Variants in GSG1L observed in about 807,000 individuals in gnomAD.
GSG1L encodes GSG1 like, also known as germ cell-specific gene 1-like protein.
GSG1L carries 24 observed loss-of-function variants against 42.1 expected under a neutral mutation model. The ratio of observed to expected loss-of-function variants is 0.57; its 90% CI spans 0.41 to 0.80. GSG1L has a LOEUF of 0.80. GSG1L is among the 30% of genes least tolerant of loss of function. The probability of loss-of-function intolerance (pLI) is 0.00; values close to 1 mark genes in which losing one functional copy is unlikely to be tolerated. For missense variants in GSG1L, 445 were observed against 472.2 expected, an observed-to-expected ratio of 0.94 and a Z score of 0.53; for synonymous variants, 215 against 203.5, an observed-to-expected ratio of 1.06 and a Z score of -0.48.
chr16:28,057,474 A>G (rs2086292554), intron 1 of GSG1L, among the ~76,000 whole-genome samples: 1 of 152,032 alleles, frequency 6.6e-6, no homozygotes, highest in African/African-American at 2.4e-5. Flanking sequence ...AGCTCCACTC[A>G]CTCCCATTGG....
chr16:28,048,256 C>T (rs2086186181), intron 1 of GSG1L, among the ~76,000 whole-genome samples: 2 of 151,800 alleles, frequency 1.3e-5, no homozygotes, highest in African/African-American at 4.8e-5. Flanking sequence ...ATATAAAGCC[C>T]TTAAATAATA....
chr16:27,977,904 T>C (rs1355690574), intron 1 of GSG1L, among the ~76,000 whole-genome samples: 2 of 152,232 alleles, frequency 1.3e-5, no homozygotes, highest in Non-Finnish European at 2.9e-5. Context: ...CTAGACCTTG[T>C]GGCATCACCT....
At chr16:28,037,409 G>A (rs559792496) in intron 1 of GSG1L, among the ~76,000 whole-genome samples, 16 of 152,280 alleles carry the variant, frequency 1.1e-4, no homozygotes, top group South Asian at 8.3e-4. Flanking sequence ...CAGTTTCCTC[G>A]TGGAGAAACT....
chr16:27,936,116 GTCAA>G (rs1447735072), intron 2 of GSG1L, among the ~76,000 whole-genome samples: 1 of 151,644 alleles, frequency 6.6e-6, no homozygotes, highest in African/African-American at 2.4e-5. Context: ...CCATGCCCAG[GTCAA>G]TCACAGTCGC....
chr16:27,972,165 G>A (rs1027986370), intron 1 of GSG1L, among the ~76,000 whole-genome samples: 1 of 152,186 alleles, frequency 6.6e-6, no homozygotes, highest in Non-Finnish European at 1.5e-5. Flanking sequence ...ATCCAAGAGG[G>A]GCCAAAATAA....
intron 3 of GSG1L, among the ~76,000 whole-genome samples, chr16:27,855,256 G>T (rs745651498): frequency 1.4e-4 from 22 of 152,252 alleles, no homozygotes; most frequent in South Asian, 4.1e-4. Context: ...CATTAGGTGT[G>T]CATTTCACAG....
chr16:27,804,617 C>T (rs1218220227), intron 6 of GSG1L, among the ~76,000 whole-genome samples: 1 of 150,090 alleles, frequency 6.7e-6, no homozygotes, highest in Admixed American at 6.7e-5. Context: ...TAAACACTCA[C>T]CAAGGAATGA....
At chr16:27,844,160 A>G (rs1375029692) in intron 4 of GSG1L, among the ~76,000 whole-genome samples, 1 of 152,198 alleles carries the variant, frequency 6.6e-6, no homozygotes, top group East Asian at 1.9e-4. Flanking sequence ...AGACTGATGC[A>G]GGTAGGTTTT....
intron 2 of GSG1L, among the ~76,000 whole-genome samples, chr16:27,904,438 T>C (rs1176983703): frequency 6.6e-6 from 1 of 152,130 alleles, no homozygotes; most frequent in Non-Finnish European, 1.5e-5. Context: ...AAATTGCCGA[T>C]GCCCCTCCCC....
chr16:28,048,989 A>G (rs1418054356), intron 1 of GSG1L, among the ~76,000 whole-genome samples: 1 of 152,174 alleles, frequency 6.6e-6, no homozygotes, highest in African/African-American at 2.4e-5. Flanking sequence ...AAAAAGGGAG[A>G]AGGGTAGAAC....
At position 28,004,514 on chromosome 16, in the gene GSG1L, C is replaced by T. The variant is rs553996574; in HGVS notation, c.350-41311G>A. 4.0e-3 allele frequency among the ~76,000 whole-genome samples: 599 copies of T among 149,808 alleles called. 4 individuals carry two copies. The highest frequency in any genetic ancestry group is 0.014 in the African/African-American group (569 of 40,952). ...AGGAGGCCGGGCAGGGTAGCTTACA[C>T]TTATAATCCTAGGGCTTTGGGAGGC... On this transcript the variant is annotated intron_variant, in intron 1 of 6. Transcript: ENST00000447459.
At chr16:27,969,634 T>C (rs1433588375) in intron 1 of GSG1L, among the ~76,000 whole-genome samples, 1 of 152,252 alleles carries the variant, frequency 6.6e-6, no homozygotes, top group Non-Finnish European at 1.5e-5. Flanking sequence ...AATAGATACT[T>C]GAATTTGTTT....
At chr16:28,009,148 T>C (rs2085684243) in intron 1 of GSG1L, among the ~76,000 whole-genome samples, 1 of 152,142 alleles carries the variant, frequency 6.6e-6, no homozygotes, top group Admixed American at 6.5e-5. Flanking sequence ...TGAGCGCAGG[T>C]GCCCCATATG....
chr16:27,948,885 A>G (rs555814758), intron 2 of GSG1L, among the ~76,000 whole-genome samples: 14 of 125,336 alleles, frequency 1.1e-4, no homozygotes, highest in Admixed American at 3.1e-4. Context: ...CTGGGATTAC[A>G]GGTGTGAACC....
intron 2 of GSG1L, among the ~76,000 whole-genome samples, chr16:27,951,539 G>T (rs1370675946): frequency 6.6e-6 from 1 of 152,190 alleles, no homozygotes; most frequent in Non-Finnish European, 1.5e-5. Context: ...CTTTGGGTTG[G>T]CTCATGAAGG....
chr16:27,874,385 C>T (rs74015120), intron 3 of GSG1L, among the ~76,000 whole-genome samples: 1,747 of 146,150 alleles, frequency 0.012, 34 homozygotes, highest in African/African-American at 0.042. Context: ...TTCCATCAAT[C>T]GTGCCTATGT....
At chr16:27,927,024 A>G (rs1325452594) in intron 2 of GSG1L, among the ~76,000 whole-genome samples, 1 of 152,040 alleles carries the variant, frequency 6.6e-6, no homozygotes, top group Non-Finnish European at 1.5e-5. Context: ...CTCCCTCGAC[A>G]ACCCTCCCTC....
At chr16:27,984,362 C>T (rs555637223) in intron 1 of GSG1L, among the ~76,000 whole-genome samples, 1 of 152,228 alleles carries the variant, frequency 6.6e-6, no homozygotes, top group East Asian at 1.9e-4. Flanking sequence ...GGGGACATCG[C>T]AGGGTAGCCA....
At chr16:27,844,893 C>T in intron 4 of GSG1L, 57 bp downstream of exon 4, 1 of 804,856 alleles carries the variant, frequency 1.2e-6, no homozygotes, top group Non-Finnish European at 1.9e-6. Flanking sequence ...TGCTGAAGTC[C>T]CAGCGTGCCT....
Sources: gnomAD v4.1 joint callset for allele counts (sites outside exome capture counted in the v4.1 genomes callset) on GRCh38, gnomAD v4.1.1 for gene constraint, MANE v1.5 for transcripts, NCBI Gene and HGNC (gene_info 2026-07-23, HGNC 2026-07-21) for gene names.